Variants in NOL4 observed in about 807,000 individuals in gnomAD.
NOL4 encodes cancer/testis antigen 125.
NOL4 carries 17 observed loss-of-function variants against 75.9 expected under a neutral mutation model. That is an observed-to-expected ratio of 0.22 (90% confidence interval 0.15 to 0.34). NOL4 has a LOEUF of 0.34. Ranked by LOEUF, NOL4 falls within the 10% of genes least tolerant of loss-of-function variation. The pLI is 1.00. For missense variants in NOL4, 614 were observed against 793.5 expected, an observed-to-expected ratio of 0.77 and a Z score of 2.72; for synonymous variants, 292 against 289.9, an observed-to-expected ratio of 1.01 and a Z score of -0.07.
At chr18:34,135,379 G>A (rs2080844496) in intron 1 of NOL4, among the ~76,000 whole-genome samples, 1 of 152,134 alleles carries the variant, frequency 6.6e-6, no homozygotes, top group Non-Finnish European at 1.5e-5. Flanking sequence ...CCTATCACAA[G>A]TATAAAGACA....
intron 3 of NOL4, 68 bp from the exon 4 acceptor site, chr18:34,104,227 C>T (rs943439168): frequency 1.9e-5 from 18 of 936,244 alleles, no homozygotes; most frequent in Admixed American, 5.6e-5. Flanking sequence ...TTAAAATGAT[C>T]TATTTCTCCA....
chr18:34,117,089 T>G (rs1244584246), intron 2 of NOL4, among the ~76,000 whole-genome samples: 1 of 152,190 alleles, frequency 6.6e-6, no homozygotes, highest in Non-Finnish European at 1.5e-5. Flanking sequence ...CACCAAGCAA[T>G]CTATGTCTGA....
At chr18:33,980,749 T>A (rs562925823) in intron 6 of NOL4, among the ~76,000 whole-genome samples, 1 of 152,206 alleles carries the variant, frequency 6.6e-6, no homozygotes, top group South Asian at 2.1e-4. Flanking sequence ...AAGACCTGTT[T>A]ATCTCATTTC....
chr18:33,958,484 A>C (rs1220635798), intron 6 of NOL4, 66 bp from the exon 7 acceptor site: 24 of 1,378,320 alleles, frequency 1.7e-5, no homozygotes, highest in Non-Finnish European at 2.3e-5. Flanking sequence ...TTTATGTTTC[A>C]TCTTTAATTT....
chr18:33,957,653 G>T, intron 7 of NOL4, 136 bp from the exon 8 acceptor site: 2 of 569,310 alleles, frequency 3.5e-6, no homozygotes, highest in South Asian at 3.5e-5. Flanking sequence ...TGGAAAGCCA[G>T]AAATTTTAAG....
chr18:34,135,642 G>A (rs1600694311), intron 1 of NOL4, among the ~76,000 whole-genome samples: 1 of 123,678 alleles, frequency 8.1e-6, no homozygotes, highest in Admixed American at 1.1e-4. Context: ...AGCTTGCAGT[G>A]AGCCAAGATC....
intron 10 of NOL4, among the ~76,000 whole-genome samples, chr18:33,865,622 G>A (rs556933510): frequency 7.2e-5 from 11 of 152,144 alleles, no homozygotes; most frequent in Non-Finnish European, 1.6e-4. Context: ...ACAAATGGTG[G>A]ATAACAACAG....
At chr18:33,856,701 A>G (rs2062853057) in intron 10 of NOL4, among the ~76,000 whole-genome samples, 1 of 152,092 alleles carries the variant, frequency 6.6e-6, no homozygotes, top group Admixed American at 6.6e-5. Flanking sequence ...TTTTTAAACA[A>G]AGAACAAGGT....
At chr18:34,024,297 T>C (rs1002030115) in intron 5 of NOL4, among the ~76,000 whole-genome samples, 11 of 148,934 alleles carry the variant, frequency 7.4e-5, no homozygotes, top group African/African-American at 2.5e-4. Context: ...AAAGATTTTA[T>C]TGTTTTCCCC....
intron 10 of NOL4, among the ~76,000 whole-genome samples, chr18:33,863,802 A>C (rs1178382942): frequency 6.6e-6 from 1 of 152,056 alleles, no homozygotes; most frequent in Non-Finnish European, 1.5e-5. Flanking sequence ...TCCAATCCCA[A>C]ATTTCCCTTC....
intron 8 of NOL4, among the ~76,000 whole-genome samples, chr18:33,947,363 T>C (rs1219603024): frequency 2.6e-5 from 4 of 151,664 alleles, no homozygotes; most frequent in Non-Finnish European, 5.9e-5. Context: ...AATATGGTCA[T>C]AGATTTCACC....
chr18:34,178,209 C>A (rs2033724334), intron 1 of NOL4, among the ~76,000 whole-genome samples: 1 of 150,852 alleles, frequency 6.6e-6, no homozygotes, highest in Non-Finnish European at 1.5e-5. Context: ...AATGGTAATC[C>A]CCACAACAAC....
At chr18:33,948,797 T>A (rs1424094749) in intron 8 of NOL4, among the ~76,000 whole-genome samples, 2 of 152,054 alleles carry the variant, frequency 1.3e-5, no homozygotes. Context: ...GATACCAATA[T>A]GGTCTCTGCC....
intron 2 of NOL4, among the ~76,000 whole-genome samples, chr18:34,129,558 C>T (rs2080539586): frequency 6.6e-6 from 1 of 151,350 alleles, no homozygotes; most frequent in Non-Finnish European, 1.5e-5. Context: ...TATGCTATGA[C>T]TCATTGAATA....
chr18:34,151,060 C>T (rs1462176193), intron 1 of NOL4, among the ~76,000 whole-genome samples: 1 of 151,774 alleles, frequency 6.6e-6, no homozygotes, highest in African/African-American at 2.4e-5. Flanking sequence ...AAAACACTAA[C>T]ACCACCAAAA....
intron 1 of NOL4, among the ~76,000 whole-genome samples, chr18:34,168,679 A>G (rs2032698680): frequency 6.6e-6 from 1 of 151,788 alleles, no homozygotes; most frequent in African/African-American, 2.4e-5. Flanking sequence ...CTTGATAACA[A>G]AAGATTTTAA....
At chr18:33,979,860 A>G (rs2071807122) in intron 6 of NOL4, among the ~76,000 whole-genome samples, 1 of 152,082 alleles carries the variant, frequency 6.6e-6, no homozygotes, top group Non-Finnish European at 1.5e-5. Flanking sequence ...GTCGGCTCAT[A>G]ACACCATAAA....
intron 4 of NOL4, among the ~76,000 whole-genome samples, chr18:34,096,249 T>C (rs1368804013): frequency 1.3e-5 from 2 of 152,072 alleles, no homozygotes; most frequent in South Asian, 2.1e-4. Flanking sequence ...GGCTTAATGA[T>C]TGAGAATATT....
chr18:33,899,407 C>A (rs777026272), intron 9 of NOL4, among the ~76,000 whole-genome samples: 3 of 152,174 alleles, frequency 2.0e-5, no homozygotes, highest in Non-Finnish European at 2.9e-5. Flanking sequence ...CTTCCTCCAA[C>A]TCTTTGTCTC....
Sources: gnomAD v4.1 joint callset for allele counts (sites outside exome capture counted in the v4.1 genomes callset) on GRCh38, gnomAD v4.1.1 for gene constraint, MANE v1.5 for transcripts, NCBI Gene and HGNC (gene_info 2026-07-23, HGNC 2026-07-21) for gene names.